SLIT3: variants seen among roughly 807,000 people sequenced by gnomAD.
SLIT3 encodes slit guidance ligand 3, also known as slit homolog 3 protein.
Under a neutral mutation model 184.0 loss-of-function variants are expected in SLIT3, and 68 were observed. That is an observed-to-expected ratio of 0.37 (90% CI 0.30 to 0.45). SLIT3 has a LOEUF of 0.45. Among genes scored for constraint, SLIT3 ranks in the 20% least tolerant of loss-of-function variants. The pLI is 1.00. For missense variants in SLIT3, 1,707 were observed against 2,026.0 expected (o/e 0.84, Z 3.02); for synonymous variants, 831 against 828.6 (o/e 1.00, Z -0.05).
At chr5:169,045,680 CCAAAGT>C (rs1255488437) in intron 4 of SLIT3, among the ~76,000 whole-genome samples, 1 of 152,074 alleles carries the variant, frequency 6.6e-6, no homozygotes, top group African/African-American at 2.4e-5. Flanking sequence ...AGTGACTTGC[CCAAAGT>C]CAAACAGCTT....
At chr5:168,719,549 C>A (rs1581001508) in intron 23 of SLIT3, among the ~76,000 whole-genome samples, 1 of 152,232 alleles carries the variant, frequency 6.6e-6, no homozygotes, top group Non-Finnish European at 1.5e-5. Context: ...TCCCACATTG[C>A]TATCTAGTTT....
At chr5:168,741,478 C>CAAAAAAAAAAAAAAAAA (rs3061744) in intron 20 of SLIT3, among the ~76,000 whole-genome samples, 5 of 81,588 alleles carry the variant, frequency 6.1e-5, no homozygotes, top group South Asian at 5.2e-4. Context: ...GACTCGGTCT[C>CAAAAAAAAAAAAAAAAA]AAAAAAAAAA....
intron 4 of SLIT3, among the ~76,000 whole-genome samples, chr5:168,891,023 A>G (rs1208544823): frequency 6.6e-6 from 1 of 152,212 alleles, no homozygotes; most frequent in Admixed American, 6.5e-5. Flanking sequence ...CTCAACTTGC[A>G]CTTCTAAGAA....
chr5:169,079,675 AGGAGGAGGGAAGAGG>A, intron 4 of SLIT3, among the ~76,000 whole-genome samples: 4 of 69,160 alleles, frequency 5.8e-5, no homozygotes, highest in Non-Finnish European at 2.8e-5. Flanking sequence ...AGGGAAGAGG[AGGAGGAGGGAAGAGG>A]AGGAGGAGGG....
At chr5:169,123,108 AC>A (rs895605248) in intron 4 of SLIT3, among the ~76,000 whole-genome samples, 1 of 152,168 alleles carries the variant, frequency 6.6e-6, no homozygotes, top group Non-Finnish European at 1.5e-5. Context: ...TAAAAAAAAA[AC>A]TGCACCAAAA....
intron 3 of SLIT3, among the ~76,000 whole-genome samples, chr5:169,240,529 T>C (rs1044561538): frequency 6.6e-6 from 1 of 150,596 alleles, no homozygotes; most frequent in African/African-American, 2.4e-5. Context: ...TATATTATCT[T>C]TAATAGAGTG....
In SLIT3 at chr5:168,954,977, T is replaced by G. The variant is rs1229702284; in HGVS notation, c.414-71641A>C. ...GCCTTCCAGGTTCCGGCCTCATTCCTTGACCTTTTCTTCCAGAGACTTCAG... is the reference window on the plus strand; with the variant it reads ...GCCTTCCAGGTTCCGGCCTCATTCCGTGACCTTTTCTTCCAGAGACTTCAG... On this transcript the variant is annotated intron_variant, in intron 4 of 35. Coordinates refer to ENST00000519560, the MANE Select transcript of SLIT3 (RefSeq NM_003062.4). Among the ~76,000 whole-genome samples, 5 of 152,262 alleles carry G rather than the reference T, an allele frequency of 3.3e-5. No homozygotes were observed. In the East Asian group the frequency reaches 9.7e-4, roughly 29 times the overall value.
intron 4 of SLIT3, among the ~76,000 whole-genome samples, chr5:169,111,233 C>G (rs957733278): frequency 1.3e-5 from 2 of 152,210 alleles, no homozygotes; most frequent in Non-Finnish European, 2.9e-5. Context: ...ATATGGACCT[C>G]CAGCCTCCAG....
rs1358668697 is a variant in SLIT3 at position 168,744,149 on chromosome 5, C to T, written c.2270+4153G>A. Among the ~76,000 whole-genome samples the T allele has an allele frequency of 2.6e-5, 4 of 152,142 alleles. No individual in the cohort carries two copies. The East Asian group carries it at 7.7e-4, about 29-fold the overall frequency. On this transcript the variant is annotated intron_variant, in intron 20 of 35. Transcript: ENST00000519560. ...CTAAAAATACAAAAAATTAGCCGGG[C>T]GTGGTGGCGGGCTCCTGTAGTCCCA... is the stretch of plus-strand genomic sequence containing the variant.
At chr5:169,138,794 C>G (rs758860053) in intron 4 of SLIT3, among the ~76,000 whole-genome samples, 2 of 152,226 alleles carry the variant, frequency 1.3e-5, no homozygotes, top group Non-Finnish European at 2.9e-5. Context: ...TTCTGGGTAT[C>G]CCACAATCTC....
chr5:168,997,820 AGTG>A lies in SLIT3; in HGVS notation c.414-114487_414-114485del, dbSNP rs1755566792. 5.9e-5 allele frequency among the ~76,000 whole-genome samples: 9 copies of A among 152,278 alleles called. No individual in the cohort carries two copies. In the South Asian group the frequency reaches 1.9e-3, roughly 32 times the overall value. On this transcript the variant is annotated intron_variant, in intron 4 of 35. Coordinates refer to ENST00000519560, the MANE Select transcript of SLIT3 (RefSeq NM_003062.4). ...CAAGTGTCAACATCAGGTTCAAAGG[AGTG>A]GTATTTCTGGCACACCTGAGTTTGT...
intron 1 of SLIT3, among the ~76,000 whole-genome samples, chr5:169,295,467 G>A (rs867332604): frequency 2.6e-5 from 4 of 152,206 alleles, no homozygotes; most frequent in Non-Finnish European, 2.9e-5. Context: ...AAGACCGTGC[G>A]CTCATCATCC....
chr5:169,188,287 T>C (rs564551904), intron 4 of SLIT3, among the ~76,000 whole-genome samples: 5 of 152,388 alleles, frequency 3.3e-5, no homozygotes, highest in South Asian at 4.1e-4. Flanking sequence ...ACTGTCTGCA[T>C]CTTGCCTTCT....
At chr5:168,851,986 T>C (rs567484925) in intron 5 of SLIT3, among the ~76,000 whole-genome samples, 3 of 152,204 alleles carry the variant, frequency 2.0e-5, no homozygotes, top group African/African-American at 4.8e-5. Flanking sequence ...CACTGAAACA[T>C]TGGGCCTTGC....
At chr5:168,947,585 G>C (rs957292715) in intron 4 of SLIT3, among the ~76,000 whole-genome samples, 2 of 152,186 alleles carry the variant, frequency 1.3e-5, no homozygotes, top group Non-Finnish European at 2.9e-5. Flanking sequence ...AGGGCCACCT[G>C]GGTCCTGGCT....
intron 4 of SLIT3, among the ~76,000 whole-genome samples, chr5:169,011,437 C>G (rs1357547320): frequency 6.6e-6 from 1 of 152,126 alleles, no homozygotes; most frequent in African/African-American, 2.4e-5. Context: ...AGGTGACACC[C>G]ATCTACAAAT....
At chr5:168,773,754 C>T (rs1755646419) in intron 13 of SLIT3, among the ~76,000 whole-genome samples, 3 of 152,078 alleles carry the variant, frequency 2.0e-5, no homozygotes, top group Admixed American at 2.0e-4. Context: ...GGAAGAGTGC[C>T]CACCTCAGAT....
Position 169,160,644 on chromosome 5 carries a change from G to C in SLIT3, c.413+32835C>G, listed in dbSNP as rs974247154. ...TAAAGGCCTCATGGTGCCAGGACTTGAGATAAGCTGGAGGAATGAATCAAG... is the reference window on the plus strand; with the variant it reads ...TAAAGGCCTCATGGTGCCAGGACTTCAGATAAGCTGGAGGAATGAATCAAG... On this transcript the variant is annotated intron_variant, in intron 4 of 35. Transcript: ENST00000519560. Among the ~76,000 whole-genome samples the C allele has an allele frequency of 6.6e-5, 10 of 152,204 alleles. 1 individual carries two copies. Among genetic ancestry groups the C allele is most frequent in the Admixed American group, 4.6e-4 (7 of 15,284 alleles).
chr5:169,070,359 CT>C (rs765283124), intron 4 of SLIT3, among the ~76,000 whole-genome samples: 26 of 152,178 alleles, frequency 1.7e-4, no homozygotes, highest in Non-Finnish European at 3.7e-4. Context: ...AACTCCAGTT[CT>C]GGCCCAGATG....
Sources: gnomAD v4.1 joint callset for allele counts (sites outside exome capture counted in the v4.1 genomes callset) on GRCh38, gnomAD v4.1.1 for gene constraint, MANE v1.5 for transcripts, NCBI Gene and HGNC (gene_info 2026-07-23, HGNC 2026-07-21) for gene names.